ANO5: variants seen among roughly 807,000 people sequenced by gnomAD.
The protein encoded by ANO5 is anoctamin-5.
ANO5 carries 109 observed loss-of-function variants against 121.0 expected under a neutral mutation model. The observed-to-expected ratio is 0.90, with a 90% confidence interval of 0.77 to 1.06. The LOEUF (loss-of-function observed/expected upper bound fraction) is 1.06, where lower values mean the gene tolerates loss of function less well. ANO5 is among the 50% of genes least tolerant of loss of function. The pLI, the probability that ANO5 is intolerant of heterozygous loss-of-function variation, is 0.00. For missense variants in ANO5, 1,064 were observed against 1,078.5 expected (o/e 0.99, Z 0.19); for synonymous variants, 406 against 359.9 (o/e 1.13, Z -1.45).
intron 9 of ANO5, among the ~76,000 whole-genome samples, chr11:22,246,505 A>G (rs1343355101): frequency 6.6e-6 from 1 of 151,918 alleles, no homozygotes; most frequent in Non-Finnish European, 1.5e-5. Flanking sequence ...TGTTGATTTC[A>G]TGGGTTTTAG....
intron 7 of ANO5, among the ~76,000 whole-genome samples, chr11:22,235,051 C>T (rs576893400): frequency 3.3e-5 from 5 of 152,246 alleles, no homozygotes; most frequent in African/African-American, 1.2e-4. Flanking sequence ...CCTGACATTT[C>T]AGATGTTTGC....
At chr11:22,266,409 G>A (rs1854367490) in intron 17 of ANO5, among the ~76,000 whole-genome samples, 2 of 152,054 alleles carry the variant, frequency 1.3e-5, no homozygotes, top group Non-Finnish European at 2.9e-5. Context: ...ATATACAAAT[G>A]TTCCTCTTAA....
At chr11:22,203,920 C>A (rs556080729) in intron 2 of ANO5, 70 bp downstream of exon 2, 9 of 1,046,978 alleles carry the variant, frequency 8.6e-6, no homozygotes, top group East Asian at 7.5e-5. Flanking sequence ...GTTAACTAAG[C>A]CTTTGTACTT....
chr11:22,280,053 GAGTCTTGCAGTTT>G lies in ANO5; in HGVS notation c.*292_*304del. On this transcript the variant is annotated 3_prime_UTR_variant, in exon 22 of 22. Coordinates refer to ENST00000324559, the MANE Select transcript of ANO5 (RefSeq NM_213599.3). ...AGAATCAGAATACTGGGAAATTATGGAGTCTTGCAGTTTAGTAAGAAACACTGGCCTTGGGCTG... is the reference window on the plus strand; with the variant it reads ...AGAATCAGAATACTGGGAAATTATGGAGTAAGAAACACTGGCCTTGGGCTG... 2.7e-6 allele frequency: 1 copy of G among 371,866 alleles called. No homozygotes were observed. The highest frequency in any genetic ancestry group is 4.9e-6 in the Non-Finnish European group (1 of 203,954). The allele number at this position is 371,866 out of a possible 1,614,324, so 23.0% of individuals were successfully genotyped here.
Position 22,271,162 on chromosome 11 carries a change from C to T in ANO5, c.2029+720C>T, listed in dbSNP as rs893137228. On this transcript the variant is annotated intron_variant, in intron 18 of 21. Coordinates refer to ENST00000324559, the MANE Select transcript of ANO5 (RefSeq NM_213599.3). ...CCGCCTGCTGGGTTCAAGCGATTCTCCTGCTTCAGGAGAATTGCCTGTAGC... is the reference window on the plus strand; with the variant it reads ...CCGCCTGCTGGGTTCAAGCGATTCTTCTGCTTCAGGAGAATTGCCTGTAGC... Among the ~76,000 whole-genome samples the T allele has an allele frequency of 4.6e-5, 7 of 152,168 alleles. No individual in the cohort carries two copies. The South Asian group carries it at 1.4e-3, about 31-fold the overall frequency.
chr11:22,197,349 CTTTT>C (rs11308210), intron 1 of ANO5, among the ~76,000 whole-genome samples: 1 of 139,344 alleles, frequency 7.2e-6, no homozygotes. Context: ...TGGAATTTAA[CTTTT>C]TTTTTTTTTT....
chr11:22,246,151 C>T (rs977672878), intron 9 of ANO5, among the ~76,000 whole-genome samples: 4 of 152,112 alleles, frequency 2.6e-5, no homozygotes, highest in African/African-American at 9.7e-5. Flanking sequence ...GTATCTGATT[C>T]TTCTCAAGAA....
chr11:22,255,240 C>A, intron 12 of ANO5, 131 bp from the exon 13 acceptor site: 1 of 650,094 alleles, frequency 1.5e-6, no homozygotes, highest in Non-Finnish European at 2.5e-6. Flanking sequence ...AAGTTTTAAT[C>A]AAACACAACA....
intron 12 of ANO5, among the ~76,000 whole-genome samples, chr11:22,252,329 G>T (rs1170872917): frequency 6.6e-6 from 1 of 152,112 alleles, no homozygotes; most frequent in Non-Finnish European, 1.5e-5. Flanking sequence ...TGAATGATAG[G>T]TGCATGATTA....
At chr11:22,195,462 T>C (rs1269627976) in intron 1 of ANO5, among the ~76,000 whole-genome samples, 1 of 152,046 alleles carries the variant, frequency 6.6e-6, no homozygotes, top group East Asian at 1.9e-4. Flanking sequence ...AGGGTCTGGC[T>C]CTATTGCCCA....
At chr11:22,263,974 T>C (rs116301546) in intron 17 of ANO5, among the ~76,000 whole-genome samples, 4,243 of 151,900 alleles carry the variant, frequency 0.028, 191 homozygotes, top group African/African-American at 0.097. Flanking sequence ...AAGCCTAGCC[T>C]TCTAGTTTCA....
chr11:22,268,275 T>A (rs1854442305), intron 17 of ANO5, among the ~76,000 whole-genome samples: 1 of 117,002 alleles, frequency 8.5e-6, no homozygotes, highest in Non-Finnish European at 1.5e-5. Context: ...AACAGTTGAC[T>A]TTTTTTTTTA....
chr11:22,193,090 G>T lies in ANO5; in HGVS notation c.-403G>T. ...AGCTGCCAGAGGGCAGGAGTGGAAA[G>T]GATCCTGGCGAGCACCGGGAGGAGT... is the stretch of plus-strand genomic sequence containing the variant. On this transcript the variant is annotated 5_prime_UTR_variant, in exon 1 of 22. The change creates a new upstream start codon in the 5' untranslated region. Coordinates refer to ENST00000324559, the MANE Select transcript of ANO5 (RefSeq NM_213599.3). The T allele has an allele frequency of 9.3e-7, 1 of 1,080,758 alleles. No individual in the cohort carries two copies. 66.9% of individuals were successfully genotyped at this position (1,080,758 alleles called of 1,614,324 possible).
intron 12 of ANO5, among the ~76,000 whole-genome samples, chr11:22,254,682 T>G (rs1853936041): frequency 6.6e-6 from 1 of 152,168 alleles, no homozygotes; most frequent in Non-Finnish European, 1.5e-5. Context: ...TTGGTGCTGG[T>G]TATATGGGTA....
intron 21 of ANO5, among the ~76,000 whole-genome samples, chr11:22,279,207 A>G (rs1854982928): frequency 6.6e-6 from 1 of 151,914 alleles, no homozygotes; most frequent in Non-Finnish European, 1.5e-5. Flanking sequence ...ATCAGTCACC[A>G]CATCACCATT....
At chr11:22,250,492 T>C (rs1853774770) in intron 10 of ANO5, 121 bp downstream of exon 10, 1 of 1,407,630 alleles carries the variant, frequency 7.1e-7, no homozygotes, top group Non-Finnish European at 9.7e-7. Flanking sequence ...AGATAATCGA[T>C]ATTTTCCAAA....
At position 22,221,193 on chromosome 11, in the gene ANO5, G is replaced by A. The variant is rs2133588922; in HGVS notation, c.277G>A (p.Asp93Asn). The change falls in exon 5 of 22, where the codon GAC becomes AAC. Residue 93 changes from aspartate (D) to asparagine (N), a missense_variant. By Grantham distance (23) the Asp-to-Asn change is conservative (BLOSUM62 1). Transcript: ENST00000324559. ...VLSYVDDVKKDAELKAERRKE... is the reference protein window; with the variant it reads ...VLSYVDDVKKNAELKAERRKE... ...TTCCTACGTTGATGATGTAAAGAAA[G>A]ACGCAGAGTTAAAGGCGGTAAGTGC... 2 of 1,609,528 alleles carry A rather than the reference G, an allele frequency of 1.2e-6. No individual in the cohort carries two copies. Among genetic ancestry groups the A allele is most frequent in the Non-Finnish European group, 1.7e-6 (2 of 1,176,604 alleles).
chr11:22,203,481 A>G (rs534742707), intron 1 of ANO5, among the ~76,000 whole-genome samples: 2 of 152,240 alleles, frequency 1.3e-5, no homozygotes, highest in Middle Eastern at 6.8e-3. Flanking sequence ...TGGACACCCT[A>G]TTGGGTATTT....
At chr11:22,242,189 G>C (rs553766690) in intron 9 of ANO5, among the ~76,000 whole-genome samples, 43 of 152,250 alleles carry the variant, frequency 2.8e-4, no homozygotes, top group African/African-American at 1.0e-3. Context: ...TTGAAGACCA[G>C]ATGGTGGGAG....
Sources: gnomAD v4.1 joint callset for allele counts (sites outside exome capture counted in the v4.1 genomes callset) on GRCh38, gnomAD v4.1.1 for gene constraint, MANE v1.5 for transcripts, NCBI Gene and HGNC (gene_info 2026-07-23, HGNC 2026-07-21) for gene names.